The following FHIP1A variants were observed in gnomAD, a reference collection of about 807,000 sequenced individuals.
The protein encoded by FHIP1A is FHF complex subunit HOOK-interacting protein 1A.
A neutral mutation model predicts 88.6 loss-of-function variants in FHIP1A; 61 were observed. The observed-to-expected ratio is 0.69, with a 90% CI of 0.56 to 0.85. The LOEUF (loss-of-function observed/expected upper bound fraction) is 0.85, where lower values mean the gene tolerates loss of function less well. FHIP1A is among the 40% of genes least tolerant of loss of function. The pLI, the probability that FHIP1A is intolerant of heterozygous loss-of-function variation, is 0.00. For synonymous variants in FHIP1A, 478 were observed against 496.0 expected, an observed-to-expected ratio of 0.96 and a Z score of 0.48; for missense variants, 1,154 against 1,273.5, an observed-to-expected ratio of 0.91 and a Z score of 1.43.
At chr4:151,442,331 T>G (rs1728442116) in intron 1 of FHIP1A, among the ~76,000 whole-genome samples, 3 of 151,886 alleles carry the variant, frequency 2.0e-5, no homozygotes, top group African/African-American at 7.3e-5. Flanking sequence ...CCACTCAAAT[T>G]AATTAAAAAA....
chr4:151,459,074 C>T (rs913315576), intron 2 of FHIP1A, among the ~76,000 whole-genome samples: 2 of 152,176 alleles, frequency 1.3e-5, no homozygotes, highest in East Asian at 1.9e-4. Flanking sequence ...CCAATCTGTT[C>T]GTATGACCAG....
chr4:151,467,718 C>G (rs1000221977), intron 2 of FHIP1A, among the ~76,000 whole-genome samples: 9 of 152,068 alleles, frequency 5.9e-5, no homozygotes, highest in African/African-American at 1.9e-4. Flanking sequence ...CCTCAGCAAA[C>G]TAACACAGGA....
chr4:151,528,451 G>A (rs1158013609), intron 3 of FHIP1A, among the ~76,000 whole-genome samples: 3 of 152,098 alleles, frequency 2.0e-5, no homozygotes, highest in African/African-American at 4.8e-5. Context: ...CAGAAAACAC[G>A]AAGTGGAACA....
At position 151,650,025 on chromosome 4, in the gene FHIP1A, G is replaced by A; in HGVS notation, c.1984G>A (p.Glu662Lys). Residue 662 changes from glutamate to lysine, a missense_variant, in exon 11 of 14, where the codon GAA becomes AAA. Coordinates refer to ENST00000435205, the MANE Select transcript of FHIP1A (RefSeq NM_001109977.3). The part of the protein sequence containing the change: ...DSEDMKDSQE[E>K]AARPPAEAQA... ...CGAGGACATGAAGGATTCTCAGGAG[G>A]AAGCTGCTAGGCCACCAGCTGAAGC... 6.4e-7 allele frequency: 1 copy of A among 1,551,710 alleles called. No homozygotes were observed. Among genetic ancestry groups the A allele is most frequent in the Non-Finnish European group, 8.7e-7 (1 of 1,147,008 alleles).
rs1207003704 is a variant in FHIP1A, at chr4:151,665,617, G to A, written c.*2863G>A. Among the ~76,000 whole-genome samples the A allele has an allele frequency of 6.6e-6, 1 of 152,212 alleles. No individual in the cohort carries two copies. Among genetic ancestry groups the A allele is most frequent in the Non-Finnish European group, 1.5e-5 (1 of 68,044 alleles). On this transcript the variant is annotated 3_prime_UTR_variant, in exon 14 of 14. Transcript: ENST00000435205. ...AACTGAGTCTATCCACGGGAGAAGA[G>A]CAAATCCTGCACGATTCGGGGGAGT...
chr4:151,440,121 C>G (rs562906133), intron 1 of FHIP1A, among the ~76,000 whole-genome samples: 1 of 152,198 alleles, frequency 6.6e-6, no homozygotes, highest in South Asian at 2.1e-4. Context: ...AGAATGAGTG[C>G]CAGCAGGGGA....
At chr4:151,534,723 T>TA (rs1272182772) in intron 3 of FHIP1A, 1 of 152,224 alleles carries the variant, frequency 6.6e-6, no homozygotes, top group Non-Finnish European at 1.5e-5. Context: ...AAGAACAAGT[T>TA]AATCCTCAGT....
At chr4:151,427,961 G>A (rs1733449426) in intron 1 of FHIP1A, among the ~76,000 whole-genome samples, 1 of 152,052 alleles carries the variant, frequency 6.6e-6, no homozygotes, top group Non-Finnish European at 1.5e-5. Context: ...TCCTTTTAGA[G>A]TTATAAAATC....
chr4:151,466,167 A>G (rs543273191), intron 2 of FHIP1A, among the ~76,000 whole-genome samples: 13 of 152,312 alleles, frequency 8.5e-5, no homozygotes, highest in Admixed American at 5.9e-4. Flanking sequence ...AAAAATCACA[A>G]GCATTTGTAG....
intron 3 of FHIP1A, among the ~76,000 whole-genome samples, chr4:151,483,916 A>G (rs1331683333): frequency 6.6e-6 from 1 of 152,186 alleles, no homozygotes; most frequent in Non-Finnish European, 1.5e-5. Flanking sequence ...GTGGTATTGC[A>G]TAAATTTGGA....
At chr4:151,472,697 A>G (rs1277588609) in intron 2 of FHIP1A, among the ~76,000 whole-genome samples, 1 of 148,672 alleles carries the variant, frequency 6.7e-6, no homozygotes, top group Non-Finnish European at 1.5e-5. Context: ...TATGAAAGTT[A>G]GAATTTTGTC....
chr4:151,597,018 T>C (rs948539678), intron 7 of FHIP1A, among the ~76,000 whole-genome samples: 3 of 152,216 alleles, frequency 2.0e-5, no homozygotes, highest in Admixed American at 6.5e-5. Context: ...TTCTGAAGCC[T>C]ACTTCTGTCA....
At chr4:151,528,836 C>G (rs191230987) in intron 3 of FHIP1A, among the ~76,000 whole-genome samples, 1 of 152,142 alleles carries the variant, frequency 6.6e-6, no homozygotes, top group African/African-American at 2.4e-5. Flanking sequence ...ATATTTTCCC[C>G]CCCTTCAGCT....
At chr4:151,526,772 C>T (rs1451012857) in intron 3 of FHIP1A, among the ~76,000 whole-genome samples, 8 of 144,136 alleles carry the variant, frequency 5.6e-5, no homozygotes, top group African/African-American at 1.3e-4. Flanking sequence ...TCAGATGGGG[C>T]GGCTGCCGGG....
chr4:151,509,243 A>G (rs1449823190), intron 3 of FHIP1A, among the ~76,000 whole-genome samples: 1 of 151,402 alleles, frequency 6.6e-6, no homozygotes, highest in Non-Finnish European at 1.5e-5. Context: ...GCTCATCACA[A>G]CCTCCGCCTC....
chr4:151,503,427 T>A (rs761181344), intron 3 of FHIP1A, among the ~76,000 whole-genome samples: 8 of 152,188 alleles, frequency 5.3e-5, no homozygotes, highest in Non-Finnish European at 8.8e-5. Flanking sequence ...GTAAATTGAC[T>A]GTCATCTCTT....
intron 7 of FHIP1A, among the ~76,000 whole-genome samples, chr4:151,618,566 C>A (rs2126859763): frequency 6.6e-6 from 1 of 152,290 alleles, no homozygotes; most frequent in East Asian, 1.9e-4. Flanking sequence ...TTTCTATTAT[C>A]CTGTAGATCC....
intron 1 of FHIP1A, among the ~76,000 whole-genome samples, chr4:151,442,468 G>T (rs1009012587): frequency 6.6e-6 from 1 of 152,134 alleles, no homozygotes; most frequent in African/African-American, 2.4e-5. Flanking sequence ...CATGGTCATT[G>T]CCTCCTCTCT....
chr4:151,410,760 T>G (rs984757326), intron 1 of FHIP1A, among the ~76,000 whole-genome samples: 3 of 152,372 alleles, frequency 2.0e-5, no homozygotes, highest in African/African-American at 7.2e-5. Flanking sequence ...ATAAATTTAC[T>G]CTTTAATACA....
Sources: allele counts gnomAD v4.1 joint callset (sites outside exome capture counted in the v4.1 genomes callset), GRCh38; gene constraint gnomAD v4.1.1; transcripts MANE v1.5; gene names NCBI Gene and HGNC (gene_info 2026-07-23, HGNC 2026-07-21).